TENM3: variants seen among roughly 807,000 people sequenced by gnomAD.
TENM3 encodes the protein teneurin-3.
In TENM3, 63 loss-of-function variants were observed where a neutral mutation model predicts 255.1. The ratio of observed to expected loss-of-function variants is 0.25; its 90% CI spans 0.20 to 0.30. TENM3 has a LOEUF of 0.30. Ranked by LOEUF, TENM3 falls within the 10% of genes least tolerant of loss-of-function variation. TENM3 has a pLI of 1.00. For synonymous variants in TENM3, 1,306 were observed against 1,322.3 expected (o/e 0.99, Z 0.27); for missense variants, 2,929 against 3,461.1 (o/e 0.85, Z 3.86).
the TENM3 span, among the ~76,000 whole-genome samples, chr4:181,679,384 GTT>G: frequency 1.3e-5 from 2 of 151,812 alleles, no homozygotes; most frequent in African/African-American, 4.8e-5. Context: ...TTTGGCTTAA[GTT>G]TTTTTCCTTA....
chr4:182,525,541 T>C (rs1457211810), intron 3 of TENM3, among the ~76,000 whole-genome samples: 1 of 152,252 alleles, frequency 6.6e-6, no homozygotes, highest in East Asian at 1.9e-4. Flanking sequence ...AAAATCCATT[T>C]CTGATGAAGC....
chr4:182,033,444 G>A, the TENM3 span, among the ~76,000 whole-genome samples: 1 of 152,174 alleles, frequency 6.6e-6, no homozygotes, highest in Non-Finnish European at 1.5e-5. Flanking sequence ...TTGCTGAGGA[G>A]TGTTTTACAT....
At chr4:181,539,989 A>T in the TENM3 span, among the ~76,000 whole-genome samples, 1 of 152,188 alleles carries the variant, frequency 6.6e-6, no homozygotes, top group Non-Finnish European at 1.5e-5. Flanking sequence ...CAATAAAAGG[A>T]ACCAAAGCTC....
chr4:182,059,897 C>A, the TENM3 span, among the ~76,000 whole-genome samples: 1 of 151,958 alleles, frequency 6.6e-6, no homozygotes, highest in Non-Finnish European at 1.5e-5. Flanking sequence ...TGTGCCACTG[C>A]ACTCCAGTCT....
the TENM3 span, among the ~76,000 whole-genome samples, chr4:182,138,157 GAAAGTGAT>G: frequency 6.6e-6 from 1 of 152,124 alleles, no homozygotes; most frequent in Non-Finnish European, 1.5e-5. Flanking sequence ...CCATTCTACT[GAAAGTGAT>G]AACAGTAGAA....
intron 15 of TENM3, among the ~76,000 whole-genome samples, chr4:182,730,523 G>A (rs921822457): frequency 6.6e-6 from 1 of 152,104 alleles, no homozygotes; most frequent in Non-Finnish European, 1.5e-5. Context: ...ATTTTCTAAG[G>A]CATGGTAATA....
intron 3 of TENM3, among the ~76,000 whole-genome samples, chr4:182,428,682 A>C (rs1444292875): frequency 6.6e-6 from 1 of 152,122 alleles, no homozygotes; most frequent in Non-Finnish European, 1.5e-5. Flanking sequence ...CCTATATCTT[A>C]ACCATAAATG....
chr4:182,458,608 C>T (rs552466481), intron 3 of TENM3, among the ~76,000 whole-genome samples: 49 of 152,142 alleles, frequency 3.2e-4, no homozygotes, highest in African/African-American at 1.2e-3. Context: ...TTCTCTGATT[C>T]AGAATTCTTA....
At chr4:182,100,680 C>CACATATAT in the TENM3 span, among the ~76,000 whole-genome samples, 508 of 27,822 alleles carry the variant, frequency 0.018, 25 homozygotes, top group African/African-American at 0.044. Context: ...CATATATATA[C>CACATATAT]ACACATATAT....
At chr4:181,751,472 A>G in the TENM3 span, among the ~76,000 whole-genome samples, 12 of 151,510 alleles carry the variant, frequency 7.9e-5, no homozygotes, top group Non-Finnish European at 1.8e-4. Context: ...ATCCAAGACT[A>G]TTACACTTCT....
chr4:182,359,441 G>A (rs1296550545), intron 3 of TENM3, among the ~76,000 whole-genome samples: 1 of 150,266 alleles, frequency 6.7e-6, no homozygotes, highest in Non-Finnish European at 1.5e-5. Flanking sequence ...TCCTGGTTTA[G>A]TCTAGGGAGA....
At chr4:182,126,185 C>T in the TENM3 span, among the ~76,000 whole-genome samples, 1 of 152,070 alleles carries the variant, frequency 6.6e-6, no homozygotes, top group Non-Finnish European at 1.5e-5. Flanking sequence ...CCACTCGAGA[C>T]ATGACTCATT....
chr4:182,726,917 TAAATC>T (rs1760242081), intron 13 of TENM3, among the ~76,000 whole-genome samples: 1 of 152,212 alleles, frequency 6.6e-6, no homozygotes, highest in African/African-American at 2.4e-5. Context: ...TAGCCTAACT[TAAATC>T]AATGGCTAGT....
the TENM3 span, among the ~76,000 whole-genome samples, chr4:181,595,650 C>T: frequency 2.0e-5 from 3 of 151,978 alleles, no homozygotes; most frequent in Non-Finnish European, 4.4e-5. Context: ...GTCTAAAAAA[C>T]GCTGGTTTAA....
At chr4:182,485,067 C>A (rs1734569374) in intron 3 of TENM3, among the ~76,000 whole-genome samples, 1 of 152,002 alleles carries the variant, frequency 6.6e-6, no homozygotes, top group African/African-American at 2.4e-5. Flanking sequence ...TTATCTTATA[C>A]CTCCTATAAA....
At chr4:181,869,900 G>T in the TENM3 span, among the ~76,000 whole-genome samples, 1 of 152,090 alleles carries the variant, frequency 6.6e-6, no homozygotes, top group Non-Finnish European at 1.5e-5. Context: ...GTTGGAAATT[G>T]CAGAAGTAGA....
chr4:181,886,200 G>C, the TENM3 span, among the ~76,000 whole-genome samples: 1 of 151,886 alleles, frequency 6.6e-6, no homozygotes, highest in Non-Finnish European at 1.5e-5. Flanking sequence ...CTACAGGCGC[G>C]TGCCACCACA....
the TENM3 span, among the ~76,000 whole-genome samples, chr4:181,995,347 G>A: frequency 6.6e-6 from 1 of 151,998 alleles, no homozygotes. Context: ...ATCTGCCTTT[G>A]TCCCATTTGT....
At position 182,753,530 on chromosome 4, in the gene TENM3, T is replaced by G; in HGVS notation, c.3943T>G (p.Ser1315Ala). ...IRKVDQNGII[S>A]TLLGSNDLTS... ...GAAAGTTGACCAAAATGGAATCATA[T>G]CAACTCTTCTGGGCTCTAACGATTT... Residue 1315 changes from serine (S) to alanine (A), a missense_variant, in exon 21 of 28, where the codon TCA becomes GCA. Ser to Ala is a moderately conservative substitution (Grantham distance 99). Coordinates refer to ENST00000511685, the MANE Select transcript of TENM3 (RefSeq NM_001080477.4). The G allele has an allele frequency of 6.2e-7, 1 of 1,614,006 alleles. No homozygotes were observed. Among genetic ancestry groups the G allele is most frequent in the Non-Finnish European group, 8.5e-7 (1 of 1,179,886 alleles).
Sources: gnomAD v4.1 joint callset for allele counts (sites outside exome capture counted in the v4.1 genomes callset) on GRCh38, gnomAD v4.1.1 for gene constraint, MANE v1.5 for transcripts, NCBI Gene and HGNC (gene_info 2026-07-23, HGNC 2026-07-21) for gene names.